CPED1: variants seen among roughly 807,000 people sequenced by gnomAD.
CPED1 encodes the protein cadherin like and PC-esterase domain containing 1, also known as cadherin-like and PC-esterase domain-containing protein 1.
Under a neutral mutation model 128.2 loss-of-function variants are expected in CPED1, and 114 were observed. That is an observed-to-expected ratio of 0.89 (90% CI 0.76 to 1.04). The LOEUF (loss-of-function observed/expected upper bound fraction) is 1.04. Among genes scored for constraint, CPED1 ranks in the 50% least tolerant of loss-of-function variants. The pLI is 0.00. For synonymous variants in CPED1, 462 were observed against 426.7 expected, an observed-to-expected ratio of 1.08 and a Z score of -1.02; for missense variants, 1,211 against 1,207.1, an observed-to-expected ratio of 1.00 and a Z score of -0.05.
At chr7:121,006,065 G>A (rs918678600) in intron 2 of CPED1, among the ~76,000 whole-genome samples, 2 of 152,118 alleles carry the variant, frequency 1.3e-5, no homozygotes, top group South Asian at 2.1e-4. Flanking sequence ...ATGTTTGGTC[G>A]ACCGCATGAT....
rs1000938586 is a variant in CPED1, at chr7:121,175,815, C to T, written c.2055+33674C>T. 9.2e-5 allele frequency among the ~76,000 whole-genome samples: 14 copies of T among 152,054 alleles called. No homozygotes were observed. In the South Asian group the frequency reaches 1.5e-3, roughly 16 times the overall value. ...ACTGTTGACCCACTGTAAGAAAGAG[C>T]GATAGAGGAAGACTGATGCCAGCAC... On this transcript the variant is annotated intron_variant, in intron 16 of 22. Transcript: ENST00000310396.
intron 22 of CPED1, among the ~76,000 whole-genome samples, chr7:121,283,649 C>T (rs1792505957): frequency 6.6e-6 from 1 of 152,176 alleles, no homozygotes. Context: ...ATAGGTCCTC[C>T]CAAACAGGGG....
intron 5 of CPED1, among the ~76,000 whole-genome samples, chr7:121,085,998 A>T (rs908694978): frequency 2.0e-5 from 3 of 152,184 alleles, no homozygotes; most frequent in African/African-American, 7.2e-5. Context: ...AATATTGCAG[A>T]AGCAGGAAGG....
At chr7:121,226,947 T>C (rs1798028554) in intron 16 of CPED1, among the ~76,000 whole-genome samples, 1 of 152,008 alleles carries the variant, frequency 6.6e-6, no homozygotes, top group African/African-American at 2.4e-5. Context: ...ACACAGAAAA[T>C]AATTCATTCC....
At chr7:121,042,425 T>C (rs1452079905) in intron 3 of CPED1, among the ~76,000 whole-genome samples, 2 of 152,200 alleles carry the variant, frequency 1.3e-5, no homozygotes, top group Non-Finnish European at 2.9e-5. Flanking sequence ...ATAATTTCTG[T>C]GTCTGTTTCC....
chr7:120,997,351 G>C (rs1384508477), intron 2 of CPED1, among the ~76,000 whole-genome samples: 1 of 152,192 alleles, frequency 6.6e-6, no homozygotes, highest in Non-Finnish European at 1.5e-5. Context: ...GAAAGAAAGT[G>C]GCTCTCTCAA....
At position 121,266,355 on chromosome 7, in the gene CPED1, G is replaced by C; in HGVS notation, c.2439G>C (p.Lys813Asn). The change falls in exon 19 of 23, where the codon AAG (lysine) becomes AAC (asparagine). Residue 813 changes from lysine to asparagine, a missense_variant. Physicochemically the swap from Lys to Asn is moderately conservative, Grantham distance 94. Transcript: ENST00000310396. The stretch of plus-strand genomic sequence containing the variant: ...TCTATCACAACGTCAATGGTGGGAA[G>C]ACTTTGATCAGTTATTCCTACTATC... ...TKFYHNVNGG[K>N]TLISYSYYPQ... 6.2e-7 allele frequency: 1 copy of C among 1,613,164 alleles called. No individual in the cohort carries two copies.
intron 16 of CPED1, among the ~76,000 whole-genome samples, chr7:121,193,905 T>C (rs1489296254): frequency 2.0e-5 from 3 of 151,476 alleles, no homozygotes; most frequent in Non-Finnish European, 4.4e-5. Flanking sequence ...TATTTTCTTA[T>C]ATGTATATAA....
chr7:121,041,465 A>G (rs1223035279), intron 3 of CPED1, among the ~76,000 whole-genome samples: 2 of 152,114 alleles, frequency 1.3e-5, no homozygotes, highest in Non-Finnish European at 2.9e-5. Flanking sequence ...ATATTCTTAG[A>G]TTTTTATTAC....
chr7:121,130,728 A>G (rs1248055925), intron 12 of CPED1, among the ~76,000 whole-genome samples: 1 of 144,856 alleles, frequency 6.9e-6, no homozygotes, highest in Non-Finnish European at 1.5e-5. Context: ...AACCCATTGA[A>G]TGTATATACA....
chr7:121,107,257 A>ACC (rs1795000260), intron 7 of CPED1, among the ~76,000 whole-genome samples: 1 of 152,148 alleles, frequency 6.6e-6, no homozygotes, highest in Non-Finnish European at 1.5e-5. Flanking sequence ...CTAAGACTTT[A>ACC]ACAACAAGGC....
intron 7 of CPED1, among the ~76,000 whole-genome samples, 156 bp downstream of exon 7, chr7:121,100,250 G>T (rs1794816766): frequency 6.6e-6 from 1 of 152,012 alleles, no homozygotes; most frequent in South Asian, 2.1e-4. Flanking sequence ...CACTTAATAG[G>T]TGCAGGTTTA....
chr7:121,266,374 T>C lies in CPED1; in HGVS notation c.2458T>C (p.Tyr820His). ...TGGGAAGACTTTGATCAGTTATTCC[T>C]ACTATCCCCAGTTCTGGATAAGCCC... ...NGGKTLISYS[Y>H]YPQFWISPSL... is the part of the protein sequence containing the mutation. The change falls in exon 19 of 23, where the codon TAC (tyrosine) becomes CAC (histidine). Residue 820 changes from tyrosine (Y) to histidine (H), a missense_variant. By Grantham distance (83) the Tyr-to-His change is moderately conservative. Coordinates refer to ENST00000310396, the MANE Select transcript of CPED1 (RefSeq NM_024913.5). The C allele has an allele frequency of 6.2e-7, 1 of 1,613,236 alleles. No homozygotes were observed. The highest frequency in any genetic ancestry group is 8.5e-7 in the Non-Finnish European group (1 of 1,179,446).
intron 21 of CPED1, among the ~76,000 whole-genome samples, chr7:121,267,710 G>A (rs937410687): frequency 1.3e-5 from 2 of 151,964 alleles, no homozygotes; most frequent in Non-Finnish European, 2.9e-5. Context: ...ATTAGCCTCA[G>A]CACTAAATAG....
intron 16 of CPED1, among the ~76,000 whole-genome samples, chr7:121,198,694 A>G (rs1173837323): frequency 6.6e-6 from 1 of 152,138 alleles, no homozygotes; most frequent in East Asian, 1.9e-4. Context: ...GCCAACTCAA[A>G]GCCGTTCATG....
chr7:121,248,077 A>G (rs537981914), intron 18 of CPED1, among the ~76,000 whole-genome samples: 114 of 152,306 alleles, frequency 7.5e-4, no homozygotes, highest in African/African-American at 1.6e-3. Flanking sequence ...CCTAACTCCA[A>G]GGGTTCAAAG....
In CPED1 at chr7:121,246,827, G is replaced by A. The variant is rs17357560; in HGVS notation, c.2310+2489G>A. Among the ~76,000 whole-genome samples, 13 of 152,196 alleles carry A rather than the reference G, an allele frequency of 8.5e-5. No individual in the cohort carries two copies. In the South Asian group the frequency reaches 1.7e-3, roughly 19 times the overall value. Reference sequence around the variant, plus strand: ...TTGCAAAATTTGAAAATAAAAGTCCGTGCTTAAATGAGACTTCAGAAGACC... The same window carrying A: ...TTGCAAAATTTGAAAATAAAAGTCCATGCTTAAATGAGACTTCAGAAGACC... On this transcript the variant is annotated intron_variant, in intron 18 of 22. Coordinates refer to ENST00000310396, the MANE Select transcript of CPED1 (RefSeq NM_024913.5).
At chr7:121,291,042 C>G (rs1193187599) in intron 22 of CPED1, among the ~76,000 whole-genome samples, 9 of 152,328 alleles carry the variant, frequency 5.9e-5, no homozygotes, top group African/African-American at 2.2e-4. Flanking sequence ...TTTCCCAACA[C>G]TATTTATGAA....
intron 14 of CPED1, 60 bp from the exon 15 acceptor site, chr7:121,140,767 A>C (rs1455614937): frequency 8.4e-7 from 1 of 1,186,148 alleles, no homozygotes; most frequent in East Asian, 2.5e-5. Context: ...ATCATATATT[A>C]TTTAAAGATA....
Sources: allele counts gnomAD v4.1 joint callset (sites outside exome capture counted in the v4.1 genomes callset), GRCh38; gene constraint gnomAD v4.1.1; transcripts MANE v1.5; gene names NCBI Gene and HGNC (gene_info 2026-07-23, HGNC 2026-07-21).